ITPR2: variants seen among roughly 807,000 people sequenced by gnomAD.
ITPR2 encodes inositol 1,4,5-trisphosphate-gated calcium channel ITPR2.
A neutral mutation model predicts 317.1 loss-of-function variants in ITPR2; 207 were observed. The ratio of observed to expected loss-of-function variants is 0.65; its 90% CI spans 0.58 to 0.73. The LOEUF is 0.73. Among genes scored for constraint, ITPR2 ranks in the 30% least tolerant of loss-of-function variants. The pLI is 0.00. For missense variants in ITPR2, 2,613 were observed against 3,284.0 expected, an observed-to-expected ratio of 0.80 and a Z score of 4.99; for synonymous variants, 1,156 against 1,149.1, an observed-to-expected ratio of 1.01 and a Z score of -0.12.
intron 13 of ITPR2, among the ~76,000 whole-genome samples, chr12:26,675,322 A>C (rs1311967917): frequency 6.6e-6 from 1 of 152,264 alleles, no homozygotes; most frequent in Non-Finnish European, 1.5e-5. Flanking sequence ...GATAGACTGG[A>C]TTAAGAAAAT....
rs59560958 is a variant in ITPR2, at chr12:26,825,276, C to T, written c.92+7414G>A. ...AAAAATAAGTGAATGAACAAATGAA[C>T]GATCATTAAAATTTCATGTCTGGTT... On this transcript the variant is annotated intron_variant, in intron 1 of 56. Coordinates refer to ENST00000381340, the MANE Select transcript of ITPR2 (RefSeq NM_002223.4). Among the ~76,000 whole-genome samples, 723 of 152,082 alleles carry T rather than the reference C, an allele frequency of 4.8e-3. 3 individuals carry two copies. Among genetic ancestry groups the T allele is most frequent in the African/African-American group, 0.016 (676 of 41,496 alleles).
intron 2 of ITPR2, among the ~76,000 whole-genome samples, chr12:26,760,960 C>T (rs902764619): frequency 2.6e-5 from 4 of 151,902 alleles, no homozygotes; most frequent in South Asian, 4.2e-4. Flanking sequence ...ATCCACAGAC[C>T]CAGCCTTCAG....
In ITPR2 at chr12:26,337,479, A is replaced by T. The variant is rs1304296763; in HGVS notation, c.*1918T>A. 1 of 152,208 alleles carries T rather than the reference A, an allele frequency of 6.6e-6. No individual in the cohort carries two copies. Among genetic ancestry groups the T allele is most frequent in the Non-Finnish European group, 1.5e-5 (1 of 68,038 alleles). 9.4% of individuals were successfully genotyped at this position (152,208 alleles called of 1,614,324 possible). A position where few individuals can be genotyped will look rare whatever the true frequency, so the allele number is the denominator to read the frequency against. ...CTTTTTACCTGATACTGTTAATAGC[A>T]TTGATGATCCTGGATTTTAAAGATG... On this transcript the variant is annotated 3_prime_UTR_variant, in exon 57 of 57. Transcript: ENST00000381340.
In ITPR2 at chr12:26,550,274, TA is replaced by T; in HGVS notation, c.5045del (p.Leu1682Ter). On this transcript the variant is annotated frameshift_variant, in exon 37 of 57. Coordinates refer to ENST00000381340, the MANE Select transcript of ITPR2 (RefSeq NM_002223.4). LOFTEE classifies it high-confidence loss of function. ...CTTCCACAAAGCTGTCTTTCTTCTC[TA>T]ACATTTCTCGTAATGTCTGAAGAAT... is the stretch of plus-strand genomic sequence containing the variant. ...IKILQTLREMLEKKDSFVEEG... is the reference protein window; with the variant it reads ...IKILQTLREMXEKKDSFVEEG... 2 of 1,521,994 alleles carry T rather than the reference TA, an allele frequency of 1.3e-6. No individual in the cohort carries two copies. The highest frequency in any genetic ancestry group is 1.8e-6 in the Non-Finnish European group (2 of 1,106,794). 94.3% of individuals were successfully genotyped at this position (1,521,994 alleles called of 1,614,324 possible). A position where few individuals can be genotyped will look rare whatever the true frequency, so the allele number is the denominator to read the frequency against.
chr12:26,423,094 TCATCATACTTTAACCC>T (rs1940945680), intron 49 of ITPR2, among the ~76,000 whole-genome samples: 1 of 152,170 alleles, frequency 6.6e-6, no homozygotes, highest in Admixed American at 6.5e-5. Flanking sequence ...TAAATTCATC[TCATCATACTTTAACCC>T]CAGCGTTGGA....
chr12:26,504,155 T>C (rs1943134060), intron 37 of ITPR2, among the ~76,000 whole-genome samples: 1 of 152,202 alleles, frequency 6.6e-6, no homozygotes, highest in Non-Finnish European at 1.5e-5. Context: ...AAAACCAATA[T>C]TCCATGTTCT....
intron 6 of ITPR2, 133 bp from the exon 7 acceptor site, chr12:26,715,968 T>C: frequency 1.3e-6 from 1 of 744,488 alleles, no homozygotes; most frequent in Non-Finnish European, 2.2e-6. Flanking sequence ...ACAAGTATCT[T>C]TGAGAGACCA....
At chr12:26,676,333 C>T (rs1389561878) in intron 13 of ITPR2, among the ~76,000 whole-genome samples, 1 of 151,076 alleles carries the variant, frequency 6.6e-6, no homozygotes, top group Non-Finnish European at 1.5e-5. Flanking sequence ...AAAAATTAGC[C>T]AGATGTGGTG....
chr12:26,533,113 T>C (rs1362114810), intron 37 of ITPR2, among the ~76,000 whole-genome samples: 1 of 152,216 alleles, frequency 6.6e-6, no homozygotes, highest in African/African-American at 2.4e-5. Context: ...GACTCTATAT[T>C]TGAGTCAGCC....
At chr12:26,631,722 AG>A in intron 22 of ITPR2, 143 bp downstream of exon 22, 1 of 659,986 alleles carries the variant, frequency 1.5e-6, no homozygotes, top group South Asian at 2.0e-5. Flanking sequence ...ATTTTTTACC[AG>A]GTTTGTCATT....
intron 54 of ITPR2, among the ~76,000 whole-genome samples, chr12:26,388,554 A>T (rs768631921): frequency 6.6e-6 from 1 of 152,024 alleles, no homozygotes; most frequent in Admixed American, 6.5e-5. Context: ...CCCAGGTTCA[A>T]TTGATCCTCC....
chr12:26,361,138 C>T (rs1002157165), intron 55 of ITPR2, among the ~76,000 whole-genome samples: 7 of 151,672 alleles, frequency 4.6e-5, no homozygotes, highest in Non-Finnish European at 7.4e-5. Context: ...TCACTTGAAC[C>T]CAGGAGGCGG....
chr12:26,765,849 C>T (rs879582358), intron 2 of ITPR2, among the ~76,000 whole-genome samples: 1 of 152,134 alleles, frequency 6.6e-6, no homozygotes, highest in Non-Finnish European at 1.5e-5. Flanking sequence ...TCTGTCTCTA[C>T]AGATTTGCCT....
chr12:26,379,872 T>C (rs1939453843), intron 55 of ITPR2, among the ~76,000 whole-genome samples: 1 of 152,248 alleles, frequency 6.6e-6, no homozygotes, highest in Non-Finnish European at 1.5e-5. Context: ...TATGCTCAGG[T>C]TTGTTCCTTC....
chr12:26,819,323 G>A (rs1204125051), intron 1 of ITPR2, among the ~76,000 whole-genome samples: 1 of 152,052 alleles, frequency 6.6e-6, no homozygotes, highest in Non-Finnish European at 1.5e-5. Flanking sequence ...TTTTGGAATT[G>A]GCTTAAGGCA....
intron 34 of ITPR2, among the ~76,000 whole-genome samples, chr12:26,569,469 A>G (rs1007095188): frequency 6.6e-6 from 1 of 151,360 alleles, no homozygotes; most frequent in African/African-American, 2.4e-5. Flanking sequence ...TGGGAGGATT[A>G]CTTGAACCCA....
chr12:26,482,161 A>T (rs73085260), intron 42 of ITPR2, among the ~76,000 whole-genome samples: 1 of 152,286 alleles, frequency 6.6e-6, no homozygotes, highest in Non-Finnish European at 1.5e-5. Flanking sequence ...TATTCCTCTG[A>T]CACAGAGGAA....
At chr12:26,508,039 G>A (rs1943237442) in intron 37 of ITPR2, among the ~76,000 whole-genome samples, 1 of 151,998 alleles carries the variant, frequency 6.6e-6, no homozygotes, top group Admixed American at 6.6e-5. Context: ...AAATGACTGG[G>A]TTGCCTTCAA....
At position 26,582,350 on chromosome 12, in the gene ITPR2, T is replaced by C. The variant is rs1310631300; in HGVS notation, c.4381-2195A>G. ...CCATGGCTCAAGTAAAATTACATCA[T>C]ATCAAATGATCTTTTTATGTGCAAT... On this transcript the variant is annotated intron_variant, in intron 32 of 56. Coordinates refer to ENST00000381340, the MANE Select transcript of ITPR2 (RefSeq NM_002223.4). 2.0e-5 allele frequency among the ~76,000 whole-genome samples: 3 copies of C among 152,240 alleles called. No homozygotes were observed. In the East Asian group the frequency reaches 5.8e-4, roughly 29 times the overall value.
Sources: gnomAD v4.1 joint callset for allele counts (sites outside exome capture counted in the v4.1 genomes callset) on GRCh38, gnomAD v4.1.1 for gene constraint, MANE v1.5 for transcripts, NCBI Gene and HGNC (gene_info 2026-07-23, HGNC 2026-07-21) for gene names.